RIMS2: variants seen among roughly 807,000 people sequenced by gnomAD.
RIMS2 encodes regulating synaptic membrane exocytosis protein 2.
In RIMS2, 59 loss-of-function variants were observed where a neutral mutation model predicts 174.4. That is an observed-to-expected ratio of 0.34 (90% CI 0.27 to 0.42). The LOEUF (loss-of-function observed/expected upper bound fraction) is 0.42, where lower values mean the gene tolerates loss of function less well. Ranked by LOEUF, RIMS2 falls within the 10% of genes least tolerant of loss-of-function variation. The probability of loss-of-function intolerance (pLI) is 1.00; values close to 1 mark genes in which losing one functional copy is unlikely to be tolerated. For synonymous variants in RIMS2, 606 were observed against 572.5 expected (o/e 1.06, Z -0.84); for missense variants, 1,620 against 1,666.3 (o/e 0.97, Z 0.48).
chr8:104,091,484 T>G (rs1471180235), intron 19 of RIMS2, among the ~76,000 whole-genome samples: 1 of 151,260 alleles, frequency 6.6e-6, no homozygotes, highest in Admixed American at 6.6e-5. Context: ...AAAACTTTGA[T>G]TTTTGTATGA....
At chr8:104,242,246 C>T (rs910654328) in intron 19 of RIMS2, among the ~76,000 whole-genome samples, 19 of 151,596 alleles carry the variant, frequency 1.3e-4, no homozygotes, top group Non-Finnish European at 2.5e-4. Context: ...GTTGTTTTTT[C>T]CTACACCATT....
intron 19 of RIMS2, among the ~76,000 whole-genome samples, chr8:104,150,498 T>A (rs1424171393): frequency 6.6e-6 from 1 of 152,122 alleles, no homozygotes; most frequent in East Asian, 1.9e-4. Context: ...GGAAGGCCAC[T>A]TGACTCAACC....
chr8:103,912,153 G>C, exon 6 of RIMS2: 1 of 1,607,192 alleles, frequency 6.2e-7, no homozygotes, highest in African/African-American at 1.3e-5. Flanking sequence ...CGAGATTCAG[G>C]AGCAATGCTT....
At chr8:104,190,989 A>G (rs1203319335) in intron 19 of RIMS2, among the ~76,000 whole-genome samples, 1 of 151,272 alleles carries the variant, frequency 6.6e-6, no homozygotes, top group Non-Finnish European at 1.5e-5. Context: ...AGCAGTAGAC[A>G]GAGGTGATAA....
At chr8:103,912,339 T>G (rs945852743) in intron 6 of RIMS2, among the ~76,000 whole-genome samples, 167 bp downstream of exon 9, 8 of 152,160 alleles carry the variant, frequency 5.3e-5, no homozygotes, top group African/African-American at 1.9e-4. Context: ...TTCCCACTAT[T>G]ATTTAAGAAG....
chr8:103,767,376 C>T (rs1291987876), intron 3 of RIMS2, among the ~76,000 whole-genome samples: 2 of 151,834 alleles, frequency 1.3e-5, no homozygotes, highest in East Asian at 1.9e-4. Flanking sequence ...TTAGTAGAGG[C>T]GGGGTTTCAC....
intron 2 of RIMS2, among the ~76,000 whole-genome samples, chr8:103,726,011 G>C (rs1202656319): frequency 6.6e-6 from 1 of 152,010 alleles, no homozygotes; most frequent in Non-Finnish European, 1.5e-5. Context: ...TGGGTTGTTT[G>C]TCTTTTTATT....
chr8:104,244,831 A>G (rs183253593), intron 19 of RIMS2, 85 bp from the exon 26 acceptor site: 1 of 1,046,358 alleles, frequency 9.6e-7, no homozygotes, highest in Admixed American at 2.2e-5. Flanking sequence ...AGTTCTTTGC[A>G]TCTGATGATC....
rs79069426 is a variant in RIMS2 at position 104,093,237 on chromosome 8, C to G, written c.3334+78622C>G. 1.0e-3 allele frequency among the ~76,000 whole-genome samples: 157 copies of G among 152,012 alleles called. 1 individual carries two copies. In the East Asian group the frequency reaches 0.021, roughly 20 times the overall value. ...TGCTGTTTTGAAACTATTTTAATGG[C>G]CTTCACTGGGGTGTGGTAAAAACAT... is the stretch of plus-strand genomic sequence containing the variant. On this transcript the variant is annotated intron_variant, in intron 19 of 23. Coordinates refer to ENST00000504942, the Ensembl canonical transcript of RIMS2.
chr8:104,230,551 C>G (rs553296193), intron 19 of RIMS2, among the ~76,000 whole-genome samples: 87 of 152,164 alleles, frequency 5.7e-4, no homozygotes, highest in Non-Finnish European at 9.3e-4. Context: ...GAGGCTGAGG[C>G]ATGAGAATCG....
At chr8:104,087,390 G>A (rs55827929) in intron 19 of RIMS2, among the ~76,000 whole-genome samples, 2,544 of 152,174 alleles carry the variant, frequency 0.017, 33 homozygotes, top group Non-Finnish European at 0.027. Context: ...TGGATGGATG[G>A]ATGGATGGAT....
intron 19 of RIMS2, among the ~76,000 whole-genome samples, chr8:104,165,611 A>T (rs1346392698): frequency 1.3e-5 from 2 of 151,202 alleles, no homozygotes; most frequent in Admixed American, 1.3e-4. Context: ...TTGGTCCTTT[A>T]TGATTGTTCC....
At chr8:103,619,093 GA>G (rs56210078) in intron 1 of RIMS2, among the ~76,000 whole-genome samples, 2,883 of 107,154 alleles carry the variant, frequency 0.027, 63 homozygotes, top group African/African-American at 0.065. Flanking sequence ...ACTTTTTGCT[GA>G]AAAAAAAAAA....
At chr8:103,511,542 A>G (rs1381554286) in intron 1 of RIMS2, among the ~76,000 whole-genome samples, 1 of 152,176 alleles carries the variant, frequency 6.6e-6, no homozygotes, top group Non-Finnish European at 1.5e-5. Flanking sequence ...AGTCTGGTTT[A>G]ATGAAAAGAT....
intron 2 of RIMS2, among the ~76,000 whole-genome samples, chr8:103,737,175 C>CTTTTTTTT (rs554949027): frequency 1.9e-4 from 13 of 67,526 alleles, no homozygotes; most frequent in Non-Finnish European, 2.8e-4. Context: ...TTTCTTTGTT[C>CTTTTTTTT]TTTTTTTTTT....
chr8:104,060,954 T>A (rs1297021951), intron 19 of RIMS2, among the ~76,000 whole-genome samples: 2 of 152,190 alleles, frequency 1.3e-5, no homozygotes, highest in Non-Finnish European at 2.9e-5. Context: ...ATAATCTCTG[T>A]TCTTTTACAT....
chr8:103,689,372 T>C (rs1172544628), intron 1 of RIMS2, among the ~76,000 whole-genome samples: 1 of 152,158 alleles, frequency 6.6e-6, no homozygotes, highest in Non-Finnish European at 1.5e-5. Flanking sequence ...ATTAATTCCA[T>C]TTGGTCTGTA....
intron 19 of RIMS2, among the ~76,000 whole-genome samples, chr8:104,166,117 A>G (rs2098796180): frequency 7.6e-6 from 1 of 131,112 alleles, no homozygotes; most frequent in African/African-American, 3.0e-5. Context: ...CCCAGGCTGG[A>G]GTGCAGTGGC....
chr8:104,226,369 T>G (rs2099188111), intron 19 of RIMS2, among the ~76,000 whole-genome samples: 1 of 152,208 alleles, frequency 6.6e-6, no homozygotes, highest in Non-Finnish European at 1.5e-5. Context: ...CATATTCACA[T>G]TCTCTTCTTG....
Sources: gnomAD v4.1 joint callset for allele counts (sites outside exome capture counted in the v4.1 genomes callset) on GRCh38, gnomAD v4.1.1 for gene constraint, MANE v1.5 for transcripts, NCBI Gene and HGNC (gene_info 2026-07-23, HGNC 2026-07-21) for gene names.